Variants in PNN observed in about 807,000 individuals in gnomAD.
PNN encodes pinin.
Under a neutral mutation model 76.6 loss-of-function variants are expected in PNN, and 38 were observed. The ratio of observed to expected loss-of-function variants is 0.50; its 90% CI spans 0.38 to 0.65. The LOEUF is 0.65. PNN is among the 30% of genes least tolerant of loss of function. PNN has a pLI of 0.00. For synonymous variants in PNN, 366 were observed against 283.7 expected (o/e 1.29, Z -2.91); for missense variants, 873 against 874.1 (o/e 1.00, Z 0.02).
At chr14:39,177,995 T>A in intron 6 of PNN, 79 bp downstream of exon 6, 1 of 979,300 alleles carries the variant, frequency 1.0e-6, no homozygotes, top group Non-Finnish European at 1.6e-6. Context: ...AAAAAATCCT[T>A]AAAGCTCTTT....
chr14:39,176,220 A>T, intron 2 of PNN, 71 bp downstream of exon 2: 1 of 884,586 alleles, frequency 1.1e-6, no homozygotes, highest in Non-Finnish European at 1.9e-6. Context: ...GTTTGAACAA[A>T]ACCTGTGATA....
chr14:39,181,795 C>G lies in PNN; in HGVS notation c.2086C>G (p.Arg696Gly). 6.2e-7 allele frequency: 1 copy of G among 1,612,972 alleles called. No homozygotes were observed. Among genetic ancestry groups the G allele is most frequent in the African/African-American group, 1.3e-5 (1 of 74,896 alleles). The change falls in exon 9 of 9, where the codon CGA becomes GGA. Residue 696 changes from arginine (R) to glycine (G), a missense_variant. Coordinates refer to ENST00000216832, the MANE Select transcript of PNN (RefSeq NM_002687.4). ...DRKRSISESS[R>G]SGKRSSRSER... is the part of the protein sequence containing the mutation. The stretch of plus-strand genomic sequence containing the variant: ...AAAGAGGTCTATATCAGAGAGTAGT[C>G]GATCAGGCAAAAGATCTTCAAGAAG...
At position 39,176,075 on chromosome 14, in the gene PNN, C is replaced by T; in HGVS notation, c.114-3C>T. The stretch of plus-strand genomic sequence containing the variant: ...TTTGCACTGATTTGTAAATCTTTTA[C>T]AGGCCCATCCAAGCCAGATTGCTGG... On this transcript the variant is annotated splice_region_variant and splice_polypyrimidine_tract_variant and intron_variant, in intron 1 of 8. Coordinates refer to ENST00000216832, the MANE Select transcript of PNN (RefSeq NM_002687.4). 1 of 1,582,310 alleles carries T rather than the reference C, an allele frequency of 6.3e-7. No homozygotes were observed. The highest frequency in any genetic ancestry group is 8.7e-7 in the Non-Finnish European group (1 of 1,151,284).
chr14:39,179,529 T>C, intron 8 of PNN, 67 bp downstream of exon 8: 1 of 1,287,662 alleles, frequency 7.8e-7, no homozygotes, highest in Non-Finnish European at 1.1e-6. Context: ...TATGCACACG[T>C]TTGTTTTCTA....
chr14:39,181,987 A>G lies in PNN; in HGVS notation c.*124A>G. The G allele has an allele frequency of 1.1e-6, 1 of 940,912 alleles. No individual in the cohort carries two copies. Among genetic ancestry groups the G allele is most frequent in the Non-Finnish European group, 1.5e-6 (1 of 655,202 alleles). The allele number at this position is 940,912 out of a possible 1,614,324, so 58.3% of individuals were successfully genotyped here. A position where few individuals can be genotyped will look rare whatever the true frequency, so the allele number is the denominator to read the frequency against. On this transcript the variant is annotated 3_prime_UTR_variant, in exon 9 of 9. Coordinates refer to ENST00000216832, the MANE Select transcript of PNN (RefSeq NM_002687.4). Reference sequence around the variant, plus strand: ...TGCATGTTGTAAAAAATCTTTTTGGAAAATACAGACTGTTTGTTTACCAGA... The same window carrying G: ...TGCATGTTGTAAAAAATCTTTTTGGGAAATACAGACTGTTTGTTTACCAGA...
chr14:39,180,520 C>T lies in PNN; in HGVS notation c.811C>T (p.Arg271Cys), dbSNP rs1025675493. The T allele has an allele frequency of 1.0e-5, 16 of 1,584,286 alleles. No individual in the cohort carries two copies. Among genetic ancestry groups the T allele is most frequent in the Non-Finnish European group, 1.2e-5 (14 of 1,167,446 alleles). Residue 271 changes from arginine (R) to cysteine (C), a missense_variant, in exon 9 of 9, where the codon CGC becomes TGC. Transcript: ENST00000216832. ...TTCTTTAGCTTTATTTGAAGGTAGA[C>T]GCATCGAATTTGCAGAACAAATAAA... ...RKMNALFEGR[R>C]IEFAEQINKM... is the part of the protein sequence containing the mutation.
chr14:39,181,645 C>T lies in PNN; in HGVS notation c.1936C>T (p.His646Tyr). The T allele has an allele frequency of 6.2e-7, 1 of 1,614,006 alleles. No homozygotes were observed. Among genetic ancestry groups the T allele is most frequent in the Non-Finnish European group, 8.5e-7 (1 of 1,179,972 alleles). The change falls in exon 9 of 9, where the codon CAC becomes TAC. Residue 646 changes from histidine to tyrosine, a missense_variant. This residue lies in a region of PNN where 712 missense variants were observed against 693.1 expected (regional missense o/e 1.03). Transcript: ENST00000216832. ...CCGGGGACATAATAGAGATAGAAAGCACAGAAGGAGCGTGGATCGGAAGAG... is the reference window on the plus strand; with the variant it reads ...CCGGGGACATAATAGAGATAGAAAGTACAGAAGGAGCGTGGATCGGAAGAG... Reference protein sequence around the residue: ...RGRGHNRDRKHRRSVDRKRRD... With the variant: ...RGRGHNRDRKYRRSVDRKRRD...
Position 39,180,976 on chromosome 14 carries a change from A to G in PNN, c.1267A>G (p.Lys423Glu), listed in dbSNP as rs992487132. Residue 423 changes from lysine to glutamate, a missense_variant, in exon 9 of 9, where the codon AAA becomes GAA. Physicochemically the swap from Lys to Glu is moderately conservative, Grantham distance 56 (BLOSUM62 1). Coordinates refer to ENST00000216832, the MANE Select transcript of PNN (RefSeq NM_002687.4). ...SVEPSENEAS[K>E]ELEPEMEFEI... is the part of the protein sequence containing the mutation. ...AGAACCTTCAGAAAATGAAGCTAGC[A>G]AAGAATTGGAACCAGAAATGGAATT... 3 of 1,613,678 alleles carry G rather than the reference A, an allele frequency of 1.9e-6. No individual in the cohort carries two copies. Among genetic ancestry groups the G allele is most frequent in the African/African-American group, 1.3e-5 (1 of 74,906 alleles).
chr14:39,176,664 T>C lies in PNN; in HGVS notation c.254+69T>C, dbSNP rs567408193. On this transcript the variant is annotated intron_variant, in intron 3 of 8. Transcript: ENST00000216832. ...GGTACCACACAAATATAAATGTTTA[T>C]TAACAATAATTCTGTTTCAGCAATA... 3.0e-5 allele frequency: 27 copies of C among 886,522 alleles called. 1 individual carries two copies. In the African/African-American group the frequency reaches 4.1e-4, roughly 14 times the overall value. 54.9% of individuals were successfully genotyped at this position (886,522 alleles called of 1,614,324 possible).
Position 39,180,573 on chromosome 14 carries a change from A to G in PNN, c.864A>G (p.Gln288=), listed in dbSNP as rs2053261438. Residue 288 remains glutamine, a synonymous_variant, in exon 9 of 9, where the codon CAA becomes CAG. Coordinates refer to ENST00000216832, the MANE Select transcript of PNN (RefSeq NM_002687.4). The stretch of plus-strand genomic sequence containing the variant: ...AAATGGAGGCTAGGCCTAGAAGACA[A>G]TCAATGAAGGAAAAAGAGCATCAGG... The part of the protein sequence containing the change: ...INKMEARPRR[Q]SMKEKEHQVV... 1.9e-6 allele frequency: 3 copies of G among 1,613,944 alleles called. No individual in the cohort carries two copies. Among genetic ancestry groups the G allele is most frequent in the African/African-American group, 1.3e-5 (1 of 74,920 alleles).
At position 39,176,016 on chromosome 14, in the gene PNN, T is replaced by A. The variant is rs1053190663; in HGVS notation, c.114-62T>A. ...TCCTTATGATCCACATCTCTGAAAGTATTTGGGTGCGACTGTGTGTGTCTA... is the reference window on the plus strand; with the variant it reads ...TCCTTATGATCCACATCTCTGAAAGAATTTGGGTGCGACTGTGTGTGTCTA... On this transcript the variant is annotated intron_variant, in intron 1 of 8. Transcript: ENST00000216832. 11 of 845,066 alleles carry A rather than the reference T, an allele frequency of 1.3e-5. No homozygotes were observed. The African/African-American group carries it at 1.9e-4, about 14-fold the overall frequency. The allele number at this position is 845,066 out of a possible 1,614,324, so 52.3% of individuals were successfully genotyped here.
At chr14:39,176,701 T>C in intron 3 of PNN, 106 bp downstream of exon 3, 1 of 730,456 alleles carries the variant, frequency 1.4e-6, no homozygotes, top group South Asian at 1.7e-5. Context: ...TAAAATTGAG[T>C]GGTATGCCAC....
At chr14:39,178,769 C>A (rs2053248901) in intron 6 of PNN, among the ~76,000 whole-genome samples, 1 of 149,610 alleles carries the variant, frequency 6.7e-6, no homozygotes, top group African/African-American at 2.5e-5. Context: ...TGGAGTTTGG[C>A]TCTTCTTGCT....
rs143623464 is a variant in PNN at position 39,181,810 on chromosome 14, T to G, written c.2101T>G (p.Ser701Ala). The G allele has an allele frequency of 5.0e-6, 8 of 1,609,372 alleles. No individual in the cohort carries two copies. The African/African-American group carries it at 1.1e-4, about 22-fold the overall frequency. Residue 701 changes from serine to alanine, a missense_variant, in exon 9 of 9, where the codon TCT becomes GCT. This residue lies in a region of PNN where 712 missense variants were observed against 693.1 expected (regional missense o/e 1.03). Coordinates refer to ENST00000216832, the MANE Select transcript of PNN (RefSeq NM_002687.4). ...AGAGAGTAGTCGATCAGGCAAAAGA[T>G]CTTCAAGAAGTGAAAGAGACCGAAA... ...ISESSRSGKR[S>A]SRSERDRKSD...
At chr14:39,176,254 G>A (rs2273592) in intron 2 of PNN, 105 bp downstream of exon 2, 74,058 of 720,946 alleles carry the variant, frequency 0.1, 5,051 homozygotes, top group East Asian at 0.32. Context: ...AGTGTTTGTC[G>A]TCTTTGTTTT....
rs2053269332 is a variant in PNN, at chr14:39,181,454, G to T, written c.1745G>T (p.Ser582Ile). 1 of 1,612,698 alleles carries T rather than the reference G, an allele frequency of 6.2e-7. No individual in the cohort carries two copies. Among genetic ancestry groups the T allele is most frequent in the African/African-American group, 1.3e-5 (1 of 74,874 alleles). Residue 582 changes from serine (S) to isoleucine (I), a missense_variant, in exon 9 of 9, where the codon AGT becomes ATT. By Grantham distance (142) the Ser-to-Ile change is moderately radical (BLOSUM62 -2). This residue lies in a region of PNN where 712 missense variants were observed against 693.1 expected (regional missense o/e 1.03). Transcript: ENST00000216832. ...AGAAGTCGAAGCAGTAGCAGTAGCAGTTCTAGTAGCAGTTCAACCAGTAGC... is the reference window on the plus strand; with the variant it reads ...AGAAGTCGAAGCAGTAGCAGTAGCATTTCTAGTAGCAGTTCAACCAGTAGC... ...KSRSRSSSSSSSSSSSTSSSS... is the reference protein window; with the variant it reads ...KSRSRSSSSSISSSSSTSSSS...
At chr14:39,176,488 G>T (rs745542382) in intron 2 of PNN, 39 bp from the exon 3 acceptor site, 1 of 1,392,990 alleles carries the variant, frequency 7.2e-7, no homozygotes, top group East Asian at 2.3e-5. Context: ...CATTTATCTT[G>T]TATTTCAAGT....
chr14:39,177,335 G>A (rs985003042), intron 3 of PNN, 77 bp from the exon 4 acceptor site: 12 of 1,175,302 alleles, frequency 1.0e-5, no homozygotes, highest in Admixed American at 8.0e-5. Context: ...GCAGTGAACC[G>A]TGGTGGCACC....
At chr14:39,177,811 G>T in intron 5 of PNN, 30 bp from the exon 6 acceptor site, 1 of 1,542,974 alleles carries the variant, frequency 6.5e-7, no homozygotes, top group Non-Finnish European at 9.0e-7. Flanking sequence ...GGATCCTGTT[G>T]ACAGTAAATT....
Sources: allele counts gnomAD v4.1 joint callset (sites outside exome capture counted in the v4.1 genomes callset), GRCh38; gene constraint gnomAD v4.1.1; regional missense constraint gnomAD v4.1.1; transcripts MANE v1.5; gene names NCBI Gene and HGNC (gene_info 2026-07-23, HGNC 2026-07-21).